The following MACF1 variants were observed in gnomAD, a reference collection of about 807,000 sequenced individuals.
MACF1 encodes the protein microtubule actin crosslinking factor 1.
Under a neutral mutation model 854.8 loss-of-function variants are expected in MACF1, and 193 were observed. The ratio of observed to expected loss-of-function variants is 0.23; its 90% CI spans 0.20 to 0.25. The LOEUF is 0.25. Ranked by LOEUF, MACF1 falls within the 10% of genes least tolerant of loss-of-function variation. MACF1 has a pLI of 1.00. For missense variants in MACF1, 7,722 were observed against 8,929.1 expected (o/e 0.86, Z 5.45); for synonymous variants, 3,185 against 3,226.7 (o/e 0.99, Z 0.44).
At chr1:39,220,480 AATTT>A (rs1644637797) in intron 1 of MACF1, among the ~76,000 whole-genome samples, 1 of 52,426 alleles carries the variant, frequency 1.9e-5, no homozygotes, top group African/African-American at 4.6e-5. Flanking sequence ...GCCTTTAATG[AATTT>A]TTTTTTTTTT....
rs1304095244 is a variant in MACF1, at chr1:39,306,628, T to C, written c.2790-2942T>C. Reference sequence around the variant, plus strand: ...ATTCTATCTTTTTTTTTTTTTTTTTTAGTCCGGACCTGTTCTGTAGGCCTG... The same window carrying C: ...ATTCTATCTTTTTTTTTTTTTTTTTCAGTCCGGACCTGTTCTGTAGGCCTG... On this transcript the variant is annotated intron_variant, in intron 23 of 100. Transcript: ENST00000564288. 7.5e-3 allele frequency among the ~76,000 whole-genome samples: 711 copies of C among 94,976 alleles called. 5 individuals are homozygous for C. Among genetic ancestry groups the C allele is most frequent in the African/African-American group, 0.022 (680 of 30,448 alleles). The allele number at this position is 94,976 out of a possible 152,430, so 62.3% of individuals were successfully genotyped here.
intron 2 of MACF1, among the ~76,000 whole-genome samples, chr1:39,239,185 G>T (rs1450620945): frequency 6.6e-6 from 1 of 152,214 alleles, no homozygotes; most frequent in African/African-American, 2.4e-5. Context: ...GGAGGCTGAG[G>T]CAGGAGAATC....
upstream of MACF1, among the ~76,000 whole-genome samples, chr1:39,199,702 A>G (rs191291615): frequency 6.6e-6 from 1 of 152,330 alleles, no homozygotes; most frequent in East Asian, 1.9e-4. Flanking sequence ...AAGCAAGTCC[A>G]TCTTCTTCGA....
In MACF1 at chr1:39,439,446, G is replaced by T; in HGVS notation, c.18393G>T (p.Leu6131Phe). The change falls in exon 72 of 101, where the codon TTG (leucine) becomes TTT (phenylalanine). Residue 6131 changes from leucine (L) to phenylalanine (F), a missense_variant. Physicochemically the swap from Leu to Phe is conservative, Grantham distance 22. Transcript: ENST00000564288. ...IKDTQDIVHD[L>F]ESPGIDPSII... ...ACACCCAGGATATTGTCCATGACTT[G>T]GAAAGCCCAGGCATTGATCCTTCCA... The T allele has an allele frequency of 7.4e-6, 12 of 1,614,158 alleles. No individual in the cohort carries two copies. Among genetic ancestry groups the T allele is most frequent in the Non-Finnish European group, 1.0e-5 (12 of 1,180,022 alleles).
chr1:39,086,191 A>G (rs1641670286), intron 2 of MACF1, among the ~76,000 whole-genome samples: 1 of 152,234 alleles, frequency 6.6e-6, no homozygotes, highest in African/African-American at 2.4e-5. Flanking sequence ...TGAATGCTGA[A>G]TGAGTGTTTT....
In MACF1 at chr1:39,190,287, TTTC is replaced by T. The variant is rs1216251749; in HGVS notation, c.221-40892_221-40890del. 1.1e-4 allele frequency among the ~76,000 whole-genome samples: 17 copies of T among 152,038 alleles called. No homozygotes were observed. The East Asian group carries it at 2.9e-3, about 26-fold the overall frequency. On this transcript the variant is annotated intron_variant, in intron 2 of 93. Coordinates refer to the MACF1 transcript ENST00000361689. ...CTTCGCTGCCTCTCTCTCTTCTTTC[TTTC>T]TTTTTTCCTCCCCTCCCCGCCCCTC...
chr1:39,311,008 C>T lies in MACF1; in HGVS notation c.3270+8C>T. 1 of 1,608,306 alleles carries T rather than the reference C, an allele frequency of 6.2e-7. No homozygotes were observed. Among genetic ancestry groups the T allele is most frequent in the Non-Finnish European group, 8.5e-7 (1 of 1,177,432 alleles). Reference sequence around the variant, plus strand: ...AGGATTGCAGAGCAAGAGGTAAGCCCTAAGAGCCATGTGGATGCTGGTTGT... The same window carrying T: ...AGGATTGCAGAGCAAGAGGTAAGCCTTAAGAGCCATGTGGATGCTGGTTGT... On this transcript the variant is annotated splice_region_variant and intron_variant, in intron 26 of 100. Transcript: ENST00000564288.
At chr1:39,255,403 A>T (rs572133909) in intron 5 of MACF1, among the ~76,000 whole-genome samples, 1 of 152,246 alleles carries the variant, frequency 6.6e-6, no homozygotes, top group Non-Finnish European at 1.5e-5. Flanking sequence ...CAAAGAGTTC[A>T]TCTGCTTAGA....
rs943934166 is a variant in MACF1 at position 39,283,017 on chromosome 1, G to A, written c.696-172G>A. On this transcript the variant is annotated intron_variant, in intron 7 of 100. Transcript: ENST00000564288. This position sits in a 1 kb window ranked among gnomAD's most constrained non-coding sequence, Gnocchi z 4.5. ...TTAAGTTTAGCATTAGGGAGCACTGGGCCCCTGGTGTATACTTAAAAATGG... is the reference window on the plus strand; with the variant it reads ...TTAAGTTTAGCATTAGGGAGCACTGAGCCCCTGGTGTATACTTAAAAATGG... 6.2e-5 allele frequency: 35 copies of A among 566,800 alleles called. No individual in the cohort carries two copies. Among genetic ancestry groups the A allele is most frequent in the South Asian group, 1.2e-4 (5 of 41,926 alleles). 35.1% of individuals were successfully genotyped at this position (566,800 alleles called of 1,614,324 possible). A position where few individuals can be genotyped will look rare whatever the true frequency, so the allele number is the denominator to read the frequency against.
chr1:39,111,527 C>G (rs545904470), intron 2 of MACF1, among the ~76,000 whole-genome samples: 1 of 152,036 alleles, frequency 6.6e-6, no homozygotes, highest in African/African-American at 2.4e-5. Context: ...GGACTACAGG[C>G]GCCCACCACA....
At position 39,298,387 on chromosome 1, in the gene MACF1, TAATTA is replaced by T. The variant is rs879523423; in HGVS notation, c.2481+648_2481+652del. 2.6e-5 allele frequency among the ~76,000 whole-genome samples: 4 copies of T among 152,336 alleles called. No individual in the cohort carries two copies. In the East Asian group the frequency reaches 5.8e-4, roughly 22 times the overall value. On this transcript the variant is annotated intron_variant, in intron 21 of 100. Transcript: ENST00000564288. Reference sequence around the variant, plus strand: ...TGAATTATTTCTTCAGGAGTGCTGGTAATTAAATTAGCAGAAAGACTACTTATATT... The same window carrying T: ...TGAATTATTTCTTCAGGAGTGCTGGTAATTAGCAGAAAGACTACTTATATT...
chr1:39,296,784 GAAA>G (rs1557571352), intron 20 of MACF1, among the ~76,000 whole-genome samples: 1,956 of 71,542 alleles, frequency 0.027, 103 homozygotes, highest in Non-Finnish European at 0.034. Flanking sequence ...AAGAAAGAAA[GAAA>G]GAAAGGAAGG....
At chr1:39,381,394 G>T (rs974974322) in intron 55 of MACF1, among the ~76,000 whole-genome samples, 1 of 145,724 alleles carries the variant, frequency 6.9e-6, no homozygotes, top group East Asian at 2.0e-4. Context: ...GGGGGACAGG[G>T]TCTTGCTCTG....
In MACF1 at chr1:39,353,165, C is replaced by T; in HGVS notation, c.11358C>T (p.Thr3786=). Residue 3786 remains threonine, a synonymous_variant, in exon 44 of 101, where the codon ACC becomes ACT. Transcript: ENST00000564288. ...GCTTGGAGAAAGGAGCCTTGGACAC[C>T]ACTGATGGTTACATGGGGGTGAATC... ...GASLEKGALD[T]TDGYMGVNQA... 1 of 1,613,672 alleles carries T rather than the reference C, an allele frequency of 6.2e-7. No individual in the cohort carries two copies. The highest frequency in any genetic ancestry group is 8.5e-7 in the Non-Finnish European group (1 of 1,179,592).
chr1:39,242,394 AATGCTTGGGCAC>A (rs1644935050), intron 2 of MACF1, among the ~76,000 whole-genome samples: 1 of 151,152 alleles, frequency 6.6e-6, no homozygotes, highest in African/African-American at 2.4e-5. Context: ...TTGACTTATT[AATGCTTGGGCAC>A]TGGGGAGGAT....
At chr1:39,410,018 G>T in intron 58 of MACF1, 1 of 404,078 alleles carries the variant, frequency 2.5e-6, no homozygotes, top group Non-Finnish European at 4.4e-6. Context: ...GCCATACAAG[G>T]AATTATTTTA....
chr1:39,440,111 C>CTTTTTTTTTTTTTTTTT lies in MACF1; in HGVS notation c.18447+613_18447+629dup, dbSNP rs774399403. Among the ~76,000 whole-genome samples, 15 of 64,518 alleles carry CTTTTTTTTTTTTTTTTT rather than the reference C, an allele frequency of 2.3e-4. 1 individual carries two copies. The highest frequency in any genetic ancestry group is 6.0e-4 in the African/African-American group (9 of 14,886). The allele number at this position is 64,518 out of a possible 152,430, so 42.3% of individuals were successfully genotyped here. ...CTTTTCTTTTCTTTTCTTTTCTTTT[C>CTTTTTTTTTTTTTTTTT]TTTTTTTTTTTTTTTTTTGGAGACA... On this transcript the variant is annotated intron_variant, in intron 72 of 100. Transcript: ENST00000564288.
At chr1:39,326,680 C>CAAA (rs57108021) in intron 35 of MACF1, among the ~76,000 whole-genome samples, 16 of 72,714 alleles carry the variant, frequency 2.2e-4, no homozygotes, top group African/African-American at 4.4e-4. Flanking sequence ...GACTCCATCT[C>CAAA]AAAAAAAAAA....
intron 2 of MACF1, among the ~76,000 whole-genome samples, chr1:39,249,451 CT>C (rs754428693): frequency 6.6e-6 from 1 of 152,204 alleles, no homozygotes; most frequent in African/African-American, 2.4e-5. Context: ...ACCACACTTT[CT>C]CCCAAAGTGA....
Sources: gnomAD v4.1 joint callset for allele counts (sites outside exome capture counted in the v4.1 genomes callset) on GRCh38, gnomAD v4.1.1 for gene constraint, Gnocchi (gnomAD v3.1) non-coding constraint, MANE v1.5 for transcripts, NCBI Gene and HGNC (gene_info 2026-07-23, HGNC 2026-07-21) for gene names.